KIF21B: variants seen among roughly 807,000 people sequenced by gnomAD.
KIF21B encodes the protein kinesin-like protein KIF21B.
KIF21B carries 85 observed loss-of-function variants against 192.9 expected under a neutral mutation model. The observed-to-expected ratio is 0.44, with a 90% confidence interval of 0.37 to 0.53. The LOEUF (loss-of-function observed/expected upper bound fraction) is 0.53, where lower values mean the gene tolerates loss of function less well. KIF21B is among the 20% of genes least tolerant of loss of function. KIF21B has a pLI of 0.00. For synonymous variants in KIF21B, 832 were observed against 884.6 expected (o/e 0.94, Z 1.05); for missense variants, 1,716 against 2,194.8 (o/e 0.78, Z 4.36).
chr1:200,995,199 T>A (rs142176725), intron 15 of KIF21B, among the ~76,000 whole-genome samples: 3 of 152,210 alleles, frequency 2.0e-5, no homozygotes, highest in African/African-American at 2.4e-5. Flanking sequence ...GCTGTGAGCA[T>A]GTAGCTACCA....
Position 200,986,900 on chromosome 1 carries a change from G to A in KIF21B, c.3633C>T (p.Ala1211=). 1 of 1,613,952 alleles carries A rather than the reference G, an allele frequency of 6.2e-7. No homozygotes were observed. The highest frequency in any genetic ancestry group is 2.2e-5 in the East Asian group (1 of 44,876). ...RGSTFPRQSR[A]TETSPLTRRK... The stretch of plus-strand genomic sequence containing the variant: ...TTCTCGTCAGCGGGGACGTCTCTGT[G>A]GCTCGAGATTGCCTAGGGCTACAAC... Residue 1211 remains alanine (A), a synonymous_variant, in exon 26 of 35, where the codon GCC becomes GCT. Coordinates refer to ENST00000461742, the MANE Select transcript of KIF21B (RefSeq NM_001252102.2).
In KIF21B at chr1:201,000,684, C is replaced by G; in HGVS notation, c.1466+33G>C. 1 of 1,613,930 alleles carries G rather than the reference C, an allele frequency of 6.2e-7. No homozygotes were observed. The highest frequency in any genetic ancestry group is 1.1e-5 in the South Asian group (1 of 91,084). ...GGCGTCACCTGGCCGAGGCCCCCAG[C>G]CCGCGCACACCTGCCGGAGCTCACT... On this transcript the variant is annotated intron_variant, in intron 10 of 34. Transcript: ENST00000461742. This position sits in a 1 kb window ranked among gnomAD's most constrained non-coding sequence, Gnocchi z 6.0.
intron 1 of KIF21B, among the ~76,000 whole-genome samples, chr1:201,009,961 G>A (rs921648240): frequency 6.6e-6 from 1 of 152,216 alleles, no homozygotes; most frequent in Non-Finnish European, 1.5e-5. Flanking sequence ...TCAGGGGAGA[G>A]AAGGCGGCTT....
At chr1:200,987,532 C>T (rs1306312216) in intron 24 of KIF21B, among the ~76,000 whole-genome samples, 1 of 152,190 alleles carries the variant, frequency 6.6e-6, no homozygotes, top group East Asian at 1.9e-4. Context: ...GCATGAGCCA[C>T]CACACCCAGC....
rs566029385 is a variant in KIF21B, at chr1:200,984,243, T to C, written c.3803+616A>G. On this transcript the variant is annotated intron_variant, in intron 27 of 34. Coordinates refer to ENST00000461742, the MANE Select transcript of KIF21B (RefSeq NM_001252102.2). Reference sequence around the variant, plus strand: ...TCTTTGAGCCTCATTTCCTCTTATGTGAAATAGGGAAGACAATTCTCGTGG... The same window carrying C: ...TCTTTGAGCCTCATTTCCTCTTATGCGAAATAGGGAAGACAATTCTCGTGG... Among the ~76,000 whole-genome samples, 4 of 152,272 alleles carry C rather than the reference T, an allele frequency of 2.6e-5. 1 individual carries two copies. The South Asian group carries it at 8.3e-4, about 32-fold the overall frequency.
chr1:201,007,231 GAC>G (rs1170693124), intron 3 of KIF21B, among the ~76,000 whole-genome samples: 3 of 86,366 alleles, frequency 3.5e-5, no homozygotes, highest in African/African-American at 1.4e-4. Flanking sequence ...GACACACACA[GAC>G]ACACACACAC....
chr1:201,007,824 CAG>C (rs1360206194), intron 3 of KIF21B, among the ~76,000 whole-genome samples: 1 of 151,850 alleles, frequency 6.6e-6, no homozygotes, highest in Non-Finnish European at 1.5e-5. Context: ...ACACAAGACA[CAG>C]AGCCACACAC....
chr1:200,979,544 C>T lies in KIF21B; in HGVS notation c.4151G>A (p.Arg1384Gln), dbSNP rs1376322516. 3.2e-6 allele frequency: 5 copies of T among 1,551,072 alleles called. No individual in the cohort carries two copies. Among genetic ancestry groups the T allele is most frequent in the South Asian group, 1.2e-5 (1 of 81,850 alleles). ...WDIRDSAKCI[R>Q]TLTSSGQVIS... is the part of the protein sequence containing the mutation. ...GGCGGGGGTTACTCACGTGAGAGTC[C>T]GAATGCACTTGGCTGAGTCCCGGAT... The change falls in exon 30 of 35, where the codon CGG becomes CAG. Residue 1384 changes from arginine (R) to glutamine (Q), a missense_variant. Coordinates refer to ENST00000461742, the MANE Select transcript of KIF21B (RefSeq NM_001252102.2).
chr1:200,979,987 G>C (rs1287524242), intron 29 of KIF21B, among the ~76,000 whole-genome samples: 1 of 152,222 alleles, frequency 6.6e-6, no homozygotes, highest in Non-Finnish European at 1.5e-5. Context: ...AGTTTTGTGA[G>C]CCATACTGCT....
In KIF21B at chr1:201,003,646, T is replaced by G. The variant is rs750620669; in HGVS notation, c.1152A>C (p.Gln384His). The G allele has an allele frequency of 1.2e-6, 2 of 1,614,196 alleles. No homozygotes were observed. Among genetic ancestry groups the G allele is most frequent in the Non-Finnish European group, 1.7e-6 (2 of 1,180,028 alleles). ...CAATCTCAGCCCGCAGTGCACTGAT[T>G]TGCTGGCTGGTCTTGTCCTGGTTCA... ...VVVNQDKTSQQISALRAEIAR... is the reference protein window; with the variant it reads ...VVVNQDKTSQHISALRAEIAR... The change falls in exon 8 of 35, where the codon CAA (glutamine) becomes CAC (histidine). Residue 384 changes from glutamine (Q) to histidine (H), a missense_variant. This residue lies in a region of KIF21B where 1,087 missense variants were observed against 1,316.6 expected (regional missense o/e 0.83). Coordinates refer to ENST00000461742, the MANE Select transcript of KIF21B (RefSeq NM_001252102.2).
At position 200,975,429 on chromosome 1, in the gene KIF21B, C is replaced by G; in HGVS notation, c.4614+70G>C. The G allele has an allele frequency of 1.4e-6, 2 of 1,461,302 alleles. No individual in the cohort carries two copies. Among genetic ancestry groups the G allele is most frequent in the Non-Finnish European group, 1.9e-6 (2 of 1,063,892 alleles). 90.5% of individuals were successfully genotyped at this position (1,461,302 alleles called of 1,614,324 possible). On this transcript the variant is annotated intron_variant, in intron 33 of 34. Coordinates refer to ENST00000461742, the MANE Select transcript of KIF21B (RefSeq NM_001252102.2). This position sits in a 1 kb window ranked among gnomAD's most constrained non-coding sequence, Gnocchi z 4.3. ...CCCGCGAGTCCAGGTCCCAGGGTCT[C>G]CAAGGCCCTGCGTGGGCTATGGAAA...
intron 17 of KIF21B, 28 bp from the exon 18 acceptor site, chr1:200,991,177 C>T: frequency 1.3e-6 from 2 of 1,592,418 alleles, no homozygotes; most frequent in South Asian, 1.1e-5. Context: ...AAAGAGGGAG[C>T]CGGTGAGCAG....
At chr1:200,996,988 A>G (rs900417852) in intron 14 of KIF21B, among the ~76,000 whole-genome samples, 17 of 152,088 alleles carry the variant, frequency 1.1e-4, no homozygotes, top group African/African-American at 4.1e-4. Context: ...ACCTCCCAGC[A>G]AGCAATCAAC....
In KIF21B at chr1:200,999,278, C is replaced by G. The variant is rs1360572940; in HGVS notation, c.1885+71G>C. On this transcript the variant is annotated intron_variant, in intron 13 of 34. Transcript: ENST00000461742. The surrounding 1 kb of genome is among the most constrained non-coding windows in gnomAD (Gnocchi z 4.7). ...TGGACACCATTATCTTTGAGCAGGG[C>G]CCGACCCCACACTTGGGCACTGGCA... The G allele has an allele frequency of 3.1e-6, 5 of 1,591,484 alleles. No individual in the cohort carries two copies. In the Admixed American group the frequency reaches 8.3e-5, roughly 27 times the overall value.
chr1:200,973,265 A>C lies in KIF21B; in HGVS notation c.*256T>G. On this transcript the variant is annotated 3_prime_UTR_variant, in exon 35 of 35. Coordinates refer to ENST00000461742, the MANE Select transcript of KIF21B (RefSeq NM_001252102.2). The stretch of plus-strand genomic sequence containing the variant: ...CCACGACTGCCAGGAGGGGAACAAG[A>C]AGGGATAATGCCCTTTGGCTTCACA... 2.3e-6 allele frequency: 1 copy of C among 430,502 alleles called. No individual in the cohort carries two copies. Among genetic ancestry groups the C allele is most frequent in the South Asian group, 8.1e-5 (1 of 12,402 alleles). 26.7% of individuals were successfully genotyped at this position (430,502 alleles called of 1,614,324 possible).
intron 34 of KIF21B, among the ~76,000 whole-genome samples, chr1:200,974,378 C>G (rs1253684006): frequency 6.6e-6 from 1 of 151,934 alleles, no homozygotes; most frequent in Non-Finnish European, 1.5e-5. Context: ...GAGGCGTGGT[C>G]TGGGGCTGGC....
At chr1:200,976,650 G>T (rs296561) in intron 32 of KIF21B, 126 bp downstream of exon 32, 13 of 553,460 alleles carry the variant, frequency 2.3e-5, no homozygotes, top group African/African-American at 1.9e-4. Context: ...CCTTCTTTGG[G>T]GTGATTTCTT....
Position 201,000,844 on chromosome 1 carries a change from A to G in KIF21B, c.1403-64T>C. 2 of 1,568,918 alleles carry G rather than the reference A, an allele frequency of 1.3e-6. No individual in the cohort carries two copies. The highest frequency in any genetic ancestry group is 1.8e-6 in the Non-Finnish European group (2 of 1,139,758). ...GATAAATAGGCCAGCGCGGTGGCTC[A>G]GACCTATAATTCCAGCACTTTGGGA... On this transcript the variant is annotated intron_variant, in intron 9 of 34. Coordinates refer to ENST00000461742, the MANE Select transcript of KIF21B (RefSeq NM_001252102.2). This position sits in a 1 kb window ranked among gnomAD's most constrained non-coding sequence, Gnocchi z 6.0.
chr1:200,973,823 T>C, intron 34 of KIF21B: 1 of 1,428,540 alleles, frequency 7.0e-7, no homozygotes. Flanking sequence ...TGGGGGGGTG[T>C]TTCGTTTTGT....
Sources: allele counts gnomAD v4.1 joint callset (sites outside exome capture counted in the v4.1 genomes callset), GRCh38; gene constraint gnomAD v4.1.1; regional missense constraint gnomAD v4.1.1; non-coding constraint Gnocchi (gnomAD v3.1); transcripts MANE v1.5; gene names NCBI Gene and HGNC (gene_info 2026-07-23, HGNC 2026-07-21).